TKFC: variants seen among roughly 807,000 people sequenced by gnomAD.
The protein encoded by TKFC is triokinase/FMN cyclase.
Under a neutral mutation model 61.0 loss-of-function variants are expected in TKFC, and 46 were observed. The ratio of observed to expected loss-of-function variants is 0.75; its 90% CI spans 0.60 to 0.96. The LOEUF (loss-of-function observed/expected upper bound fraction) is 0.96, where lower values mean the gene tolerates loss of function less well. Ranked by LOEUF, TKFC falls within the 50% of genes least tolerant of loss-of-function variation. The probability of loss-of-function intolerance (pLI) is 0.00; values close to 1 mark genes in which losing one functional copy is unlikely to be tolerated. For synonymous variants in TKFC, 314 were observed against 330.1 expected (o/e 0.95, Z 0.53); for missense variants, 715 against 777.5 (o/e 0.92, Z 0.96).
intron 2 of TKFC, among the ~76,000 whole-genome samples, chr11:61,337,559 C>G (rs900292101): frequency 2.0e-5 from 3 of 152,286 alleles, no homozygotes; most frequent in African/African-American, 7.2e-5. Flanking sequence ...ACCTGCTCAG[C>G]TCCTCCCCCA....
chr11:61,351,139 GTGT>G, downstream of TKFC: 1 of 1,607,666 alleles, frequency 6.2e-7, no homozygotes, highest in Non-Finnish European at 8.5e-7. Context: ...TGGCCTGGTG[GTGT>G]TTTTCCTGAA....
At position 61,343,911 on chromosome 11, in the gene TKFC, G is replaced by T; in HGVS notation, c.1038G>T (p.Gly346=). 1 of 1,611,232 alleles carries T rather than the reference G, an allele frequency of 6.2e-7. No homozygotes were observed. ...ACGTGGCTGCAGTCTCCATTACTGG[G>T]CGGAAGCGGAGCCGGGTAGCCCCTG... ...WPNVAAVSIT[G]RKRSRVAPAE... is the part of the protein sequence containing the mutation. Residue 346 remains glycine (G), a synonymous_variant, in exon 12 of 18, where the codon GGG becomes GGT. Transcript: ENST00000394900.
At chr11:61,351,280 C>T, downstream of TKFC, 17 of 718,918 alleles carry the variant, frequency 2.4e-5, no homozygotes, top group South Asian at 1.3e-4. Flanking sequence ...TTTTAACACC[C>T]TTTCTTTTTT....
At chr11:61,343,160 T>C (rs1416979260) in intron 10 of TKFC, 182 bp from the exon 11 acceptor site, 5 of 636,182 alleles carry the variant, frequency 7.9e-6, no homozygotes, top group Non-Finnish European at 1.1e-5. Flanking sequence ...TTCCCCGACG[T>C]AGGGGACACC....
In TKFC at chr11:61,344,216, C is replaced by T. The variant is rs1188509993; in HGVS notation, c.1183C>T (p.Leu395=). Residue 395 remains leucine (L), a synonymous_variant, in exon 13 of 18, where the codon CTG becomes TTG. Transcript: ENST00000394900. ...LLGLEEHLNA[L]DRAAGDGDCG... is the part of the protein sequence containing the mutation. Reference sequence around the variant, plus strand: ...GGGCCTGGAGGAACACCTGAATGCCCTGGACCGGGCTGCTGGTGACGGCGA... The same window carrying T: ...GGGCCTGGAGGAACACCTGAATGCCTTGGACCGGGCTGCTGGTGACGGCGA... The T allele has an allele frequency of 1.9e-6, 3 of 1,612,690 alleles. No individual in the cohort carries two copies. In the Admixed American group the frequency reaches 5.0e-5, roughly 27 times the overall value.
downstream of TKFC, chr11:61,352,823 T>A: frequency 6.9e-7 from 1 of 1,457,084 alleles, no homozygotes; most frequent in Middle Eastern, 1.8e-4. Flanking sequence ...ACTTACCAAT[T>A]TCAACCTAAA....
chr11:61,349,387 A>C (rs1239390667), downstream of TKFC: 1 of 602,598 alleles, frequency 1.7e-6, no homozygotes, highest in Non-Finnish European at 3.0e-6. Flanking sequence ...GGTGAGCTGC[A>C]GAGTGGTCAG....
chr11:61,335,061 C>A (rs978705683), intron 2 of TKFC, among the ~76,000 whole-genome samples: 1 of 152,108 alleles, frequency 6.6e-6, no homozygotes, highest in Non-Finnish European at 1.5e-5. Flanking sequence ...CAGAAGGAAT[C>A]GTGAAGAATG....
At chr11:61,352,976 T>C (rs1857487159), downstream of TKFC, 1 of 1,614,128 alleles carries the variant, frequency 6.2e-7, no homozygotes, top group Non-Finnish European at 8.5e-7. Flanking sequence ...GGGACCCCAC[T>C]GCACTCACAA....
At chr11:61,350,971 T>C (rs1472236977), downstream of TKFC, 1 of 1,607,058 alleles carries the variant, frequency 6.2e-7, no homozygotes, top group Admixed American at 1.7e-5. Context: ...CACCCTGGAA[T>C]GTGGGACTGG....
rs778609381 is a variant in TKFC, at chr11:61,342,822, C to G, written c.843C>G (p.Ala281=). 6.2e-7 allele frequency: 1 copy of G among 1,613,954 alleles called. No homozygotes were observed. The highest frequency in any genetic ancestry group is 8.5e-7 in the Non-Finnish European group (1 of 1,180,024). Residue 281 remains alanine (A), a synonymous_variant, in exon 10 of 18, where the codon GCC becomes GCG. Transcript: ENST00000394900. ...GLSFLELGII[A]DATVRSLEGR... Reference sequence around the variant, plus strand: ...CATTCCTGGAACTGGGCATCATAGCCGACGCTACCGTCCGCTCCCTGGGTG... The same window carrying G: ...CATTCCTGGAACTGGGCATCATAGCGGACGCTACCGTCCGCTCCCTGGGTG...
At chr11:61,337,561 C>A (rs997345079) in intron 2 of TKFC, among the ~76,000 whole-genome samples, 2 of 152,156 alleles carry the variant, frequency 1.3e-5, no homozygotes, top group Non-Finnish European at 2.9e-5. Flanking sequence ...CTGCTCAGCT[C>A]CTCCCCCAGC....
chr11:61,346,129 C>T lies in TKFC; in HGVS notation c.1575+183C>T. 3 of 1,195,808 alleles carry T rather than the reference C, an allele frequency of 2.5e-6. No homozygotes were observed. Among genetic ancestry groups the T allele is most frequent in the Non-Finnish European group, 2.3e-6 (2 of 872,476 alleles). 74.1% of individuals were successfully genotyped at this position (1,195,808 alleles called of 1,614,324 possible). On this transcript the variant is annotated intron_variant, in intron 17 of 17. Coordinates refer to ENST00000394900, the MANE Select transcript of TKFC (RefSeq NM_015533.4). The surrounding 1 kb of genome is among the most constrained non-coding windows in gnomAD (Gnocchi z 4.1). ...CTAAGGAAATATGTAGAGCCCCGCA[C>T]ACTGCCTGGGATGTGACAGGGCCTC...
rs1856870860 is a variant in TKFC at position 61,341,860 on chromosome 11, TGGTTCCAAACCC to T, written c.604_615del (p.Gly202_Pro205del). On this transcript the variant is annotated inframe_deletion, in exon 7 of 18. Coordinates refer to ENST00000394900, the MANE Select transcript of TKFC (RefSeq NM_015533.4). ...TGAGCTTATCCTCCTGCAGCGTCCC[TGGTTCCAAACCC>T]ACCTTCGAGCTCTCAGCCGACGAGG... is the stretch of plus-strand genomic sequence containing the variant. 2 of 1,613,948 alleles carry T rather than the reference TGGTTCCAAACCC, an allele frequency of 1.2e-6. No individual in the cohort carries two copies. The highest frequency in any genetic ancestry group is 1.7e-6 in the Non-Finnish European group (2 of 1,179,910).
downstream of TKFC, chr11:61,351,144 T>C (rs764228637): frequency 6.2e-7 from 1 of 1,606,718 alleles, no homozygotes; most frequent in Non-Finnish European, 8.5e-7. Flanking sequence ...TGGTGGTGTT[T>C]TTCCTGAAGA....
At chr11:61,344,381 A>T (rs1279495920) in intron 13 of TKFC, 108 bp downstream of exon 13, 3 of 856,766 alleles carry the variant, frequency 3.5e-6, no homozygotes, top group Non-Finnish European at 1.7e-6. Context: ...TTTTTTTTTT[A>T]AGAAGGAATC....
rs1449053673 is a variant in TKFC at position 61,338,019 on chromosome 11, C to T, written c.82C>T (p.Leu28=). 1 of 1,613,776 alleles carries T rather than the reference C, an allele frequency of 6.2e-7. No homozygotes were observed. Among genetic ancestry groups the T allele is most frequent in the Non-Finnish European group, 8.5e-7 (1 of 1,179,920 alleles). Reference sequence around the variant, plus strand: ...TGGCCTGGTGGCCTGCAACCCCAACCTGCAGCTCCTGCAGGGCCACCGCGT... The same window carrying T: ...TGGCCTGGTGGCCTGCAACCCCAACTTGCAGCTCCTGCAGGGCCACCGCGT... ...LAGLVACNPN[L]QLLQGHRVAL... is the part of the protein sequence containing the mutation. Residue 28 remains leucine, a synonymous_variant, in exon 3 of 18, where the codon CTG becomes TTG. Transcript: ENST00000394900.
intron 11 of TKFC, 111 bp from the exon 12 acceptor site, chr11:61,343,745 T>C: frequency 2.0e-6 from 3 of 1,483,096 alleles, no homozygotes; most frequent in Non-Finnish European, 2.7e-6. Context: ...ACTCCCTTCC[T>C]CCAGGGCTGC....
intron 6 of TKFC, 129 bp downstream of exon 6, chr11:61,341,643 C>T: frequency 7.8e-7 from 1 of 1,273,978 alleles, no homozygotes; most frequent in Non-Finnish European, 1.1e-6. Flanking sequence ...GGGAGTGTAT[C>T]CCTGGGGGAG....
Sources: allele counts gnomAD v4.1 joint callset (sites outside exome capture counted in the v4.1 genomes callset), GRCh38; gene constraint gnomAD v4.1.1; non-coding constraint Gnocchi (gnomAD v3.1); transcripts MANE v1.5; gene names NCBI Gene and HGNC (gene_info 2026-07-23, HGNC 2026-07-21).